Variants in SCNN1B observed in about 807,000 individuals in gnomAD.
SCNN1B encodes the protein sodium channel epithelial 1 subunit beta.
A neutral mutation model predicts 65.3 loss-of-function variants in SCNN1B; 46 were observed. The ratio of observed to expected loss-of-function variants is 0.70; its 90% CI spans 0.56 to 0.90. The LOEUF is 0.90. SCNN1B is among the 40% of genes least tolerant of loss of function. The probability of loss-of-function intolerance (pLI) is 0.00; values close to 1 mark genes in which losing one functional copy is unlikely to be tolerated. For missense variants in SCNN1B, 751 were observed against 830.5 expected (o/e 0.90, Z 1.18); for synonymous variants, 349 against 330.6 (o/e 1.06, Z -0.60).
chr16:23,327,617 G>T (rs144508346), intron 1 of SCNN1B, among the ~76,000 whole-genome samples: 50 of 152,254 alleles, frequency 3.3e-4, no homozygotes, highest in African/African-American at 1.1e-3. Flanking sequence ...ATCGTAGTTT[G>T]TGGAACCCTT....
intron 4 of SCNN1B, 80 bp downstream of exon 4, chr16:23,355,569 C>T: frequency 7.0e-7 from 1 of 1,436,912 alleles, no homozygotes; most frequent in Non-Finnish European, 9.7e-7. Context: ...GCACAGCCTG[C>T]CAGGGTTCCA....
chr16:23,367,840 A>T lies in SCNN1B; in HGVS notation c.777-16A>T, dbSNP rs1962702186. On this transcript the variant is annotated splice_polypyrimidine_tract_variant and intron_variant, in intron 4 of 12. Coordinates refer to ENST00000343070, the MANE Select transcript of SCNN1B (RefSeq NM_000336.3). ...TGTGGTGGAACCTGCCCTGCAGCTG[A>T]TGCTGTTTCTTTTAGGAACTTCACG... 2 of 1,595,864 alleles carry T rather than the reference A, an allele frequency of 1.3e-6. No individual in the cohort carries two copies. Among genetic ancestry groups the T allele is most frequent in the Non-Finnish European group, 8.6e-7 (1 of 1,163,478 alleles).
chr16:23,305,942 G>A (rs931999250), intron 1 of SCNN1B, among the ~76,000 whole-genome samples: 2 of 151,988 alleles, frequency 1.3e-5, no homozygotes, highest in East Asian at 3.9e-4. Context: ...GCTATGCAGT[G>A]GATTAATTAC....
chr16:23,354,734 A>G (rs1306914300), intron 3 of SCNN1B, among the ~76,000 whole-genome samples: 1 of 152,210 alleles, frequency 6.6e-6, no homozygotes, highest in Non-Finnish European at 1.5e-5. Flanking sequence ...GTGTGTGAGC[A>G]TAAGTGTTGC....
Position 23,381,015 on chromosome 16 carries a change from T to C in SCNN1B, c.*214T>C, listed in dbSNP as rs1963041128. The C allele has an allele frequency of 3.2e-6, 2 of 632,512 alleles. No individual in the cohort carries two copies. Among genetic ancestry groups the C allele is most frequent in the African/African-American group, 1.8e-5 (1 of 55,146 alleles). 39.2% of individuals were successfully genotyped at this position (632,512 alleles called of 1,614,324 possible). ...TGCTGGTACAGGATGCAGGAATAAA[T>C]TGTATCTTCACCTGGTTCCTACCCT... On this transcript the variant is annotated 3_prime_UTR_variant, in exon 13 of 13. Transcript: ENST00000343070.
chr16:23,341,532 G>A (rs1398225971), intron 1 of SCNN1B, among the ~76,000 whole-genome samples: 1 of 152,046 alleles, frequency 6.6e-6, no homozygotes, highest in Admixed American at 6.6e-5. Context: ...CCACAGAGAA[G>A]GAAAGACAAT....
chr16:23,363,984 T>C (rs1486019574), intron 4 of SCNN1B, among the ~76,000 whole-genome samples: 9 of 151,762 alleles, frequency 5.9e-5, no homozygotes, highest in Admixed American at 5.9e-4. Flanking sequence ...CTGACTAACA[T>C]GGTGAAACCC....
chr16:23,379,702 G>C (rs1962997029), intron 11 of SCNN1B, among the ~76,000 whole-genome samples: 1 of 152,144 alleles, frequency 6.6e-6, no homozygotes, highest in Non-Finnish European at 1.5e-5. Context: ...ATGGCACAAA[G>C]TGGGGAGCTC....
intron 2 of SCNN1B, among the ~76,000 whole-genome samples, chr16:23,294,985 T>G (rs7198891): frequency 6.6e-6 from 1 of 151,830 alleles, no homozygotes; most frequent in South Asian, 2.1e-4. Flanking sequence ...AGAGCAAGAC[T>G]GTCTCAAAAT....
chr16:23,314,710 A>G lies in SCNN1B; in HGVS notation c.-9+12273A>G, dbSNP rs78911661. Among the ~76,000 whole-genome samples the G allele has an allele frequency of 1.7e-4, 26 of 152,268 alleles. No individual in the cohort carries two copies. The East Asian group carries it at 4.2e-3, about 25-fold the overall frequency. On this transcript the variant is annotated intron_variant, in intron 1 of 12. Coordinates refer to ENST00000343070, the MANE Select transcript of SCNN1B (RefSeq NM_000336.3). Reference sequence around the variant, plus strand: ...GTTTCGGCTTTTCACAATGCCAGGAACCACCCTGGGTCACTGTGAGGGTGA... The same window carrying G: ...GTTTCGGCTTTTCACAATGCCAGGAGCCACCCTGGGTCACTGTGAGGGTGA...
intron 1 of SCNN1B, among the ~76,000 whole-genome samples, chr16:23,305,534 TTATATATATATATATATA>T (rs56338840): frequency 4.1e-4 from 3 of 7,372 alleles, no homozygotes; most frequent in Non-Finnish European, 7.8e-4. Flanking sequence ...AATATATATA[TTATATATATATATATATA>T]TATATATATA....
intron 4 of SCNN1B, among the ~76,000 whole-genome samples, chr16:23,365,125 T>C (rs1962621501): frequency 6.9e-6 from 1 of 144,072 alleles, no homozygotes; most frequent in African/African-American, 2.6e-5. Context: ...AAACTCCATC[T>C]CAAAAACAAA....
At chr16:23,291,591 T>C (rs923027510) in intron 2 of SCNN1B, among the ~76,000 whole-genome samples, 1 of 151,918 alleles carries the variant, frequency 6.6e-6, no homozygotes, top group Non-Finnish European at 1.5e-5. Context: ...TTATATTTTT[T>C]TGAGACAGGG....
At chr16:23,279,255 T>C (rs1360053042) in intron 1 of SCNN1B, among the ~76,000 whole-genome samples, 1 of 152,124 alleles carries the variant, frequency 6.6e-6, no homozygotes, top group South Asian at 2.1e-4. Flanking sequence ...AATTTTTGTA[T>C]TTTTAGTAGA....
intron 1 of SCNN1B, among the ~76,000 whole-genome samples, chr16:23,318,974 T>C (rs1293046085): frequency 6.6e-6 from 1 of 152,128 alleles, no homozygotes. Flanking sequence ...GGTGATTCTG[T>C]GTGCAAACAC....
chr16:23,311,737 G>A (rs985496198), intron 1 of SCNN1B, among the ~76,000 whole-genome samples: 8 of 152,144 alleles, frequency 5.3e-5, no homozygotes, highest in African/African-American at 1.9e-4. Flanking sequence ...CAGCTTTCAA[G>A]GATTGTTTTA....
intron 1 of SCNN1B, chr16:23,304,128 TA>T: frequency 6.6e-7 from 1 of 1,504,256 alleles, no homozygotes; most frequent in Non-Finnish European, 8.9e-7. Flanking sequence ...GCATCTTCTA[TA>T]AATTGTTATC....
chr16:23,331,735 G>A (rs1219695516), intron 1 of SCNN1B, among the ~76,000 whole-genome samples: 2 of 152,050 alleles, frequency 1.3e-5, no homozygotes, highest in Non-Finnish European at 2.9e-5. Context: ...TTTGGTGGGG[G>A]GACACATTCA....
intron 1 of SCNN1B, among the ~76,000 whole-genome samples, chr16:23,283,099 G>A (rs1053461585): frequency 1.3e-5 from 2 of 152,170 alleles, no homozygotes; most frequent in East Asian, 1.9e-4. Flanking sequence ...GCTTAGTCTA[G>A]CTCCCCTTAA....
Sources: gnomAD v4.1 joint callset for allele counts (sites outside exome capture counted in the v4.1 genomes callset) on GRCh38, gnomAD v4.1.1 for gene constraint, MANE v1.5 for transcripts, NCBI Gene and HGNC (gene_info 2026-07-23, HGNC 2026-07-21) for gene names.